The following DOT1L variants were observed in gnomAD, a reference collection of about 807,000 sequenced individuals.
DOT1L encodes the protein DOT1 like histone lysine methyltransferase.
A neutral mutation model predicts 153.3 loss-of-function variants in DOT1L; 33 were observed. The observed-to-expected ratio is 0.22, with a 90% confidence interval of 0.16 to 0.29. DOT1L has a LOEUF of 0.29. DOT1L is among the 10% of genes least tolerant of loss of function. The pLI is 1.00. For synonymous variants in DOT1L, 1,135 were observed against 965.1 expected (o/e 1.18, Z -3.26); for missense variants, 1,847 against 2,119.9 (o/e 0.87, Z 2.53).
intron 3 of DOT1L, 92 bp from the exon 4 acceptor site, chr19:2,189,640 C>T: frequency 6.9e-7 from 1 of 1,452,054 alleles, no homozygotes; most frequent in Non-Finnish European, 9.5e-7. Context: ...AGGGACCACA[C>T]CTTGGAGCCT....
intron 7 of DOT1L, among the ~76,000 whole-genome samples, chr19:2,196,834 G>A (rs1292609718): frequency 2.0e-5 from 3 of 152,206 alleles, no homozygotes; most frequent in Non-Finnish European, 4.4e-5. Flanking sequence ...GCCCCTGGCC[G>A]CGGAGCACGG....
chr19:2,211,461 A>C (rs973956138), intron 15 of DOT1L, among the ~76,000 whole-genome samples: 1 of 152,116 alleles, frequency 6.6e-6, no homozygotes, highest in African/African-American at 2.4e-5. Context: ...GTCATAACTT[A>C]GGGATGTTGC....
intron 22 of DOT1L, among the ~76,000 whole-genome samples, chr19:2,219,074 C>T (rs1203094060): frequency 6.6e-6 from 1 of 152,200 alleles, no homozygotes; most frequent in Non-Finnish European, 1.5e-5. Context: ...GTTTCACCAT[C>T]TTGGCCGAGC....
chr19:2,173,140 C>T (rs548395113), intron 1 of DOT1L, among the ~76,000 whole-genome samples: 49 of 152,168 alleles, frequency 3.2e-4, no homozygotes, highest in Non-Finnish European at 6.8e-4. Flanking sequence ...CCCTAGCGTC[C>T]TGGAGCGTTT....
Position 2,191,708 on chromosome 19 carries a change from G to A in DOT1L, c.493+468G>A, listed in dbSNP as rs1052036449. ...GAAGACCCCAGGTCCCTGGGCTCCC[G>A]GAGGCCCTCGCGCCCTCCCTGCATC... On this transcript the variant is annotated intron_variant, in intron 5 of 27. Coordinates refer to ENST00000398665, the MANE Select transcript of DOT1L (RefSeq NM_032482.3). The surrounding 1 kb of genome is among the most constrained non-coding windows in gnomAD (Gnocchi z 6.8). Among the ~76,000 whole-genome samples, 10 of 151,688 alleles carry A rather than the reference G, an allele frequency of 6.6e-5. No individual in the cohort carries two copies. Among genetic ancestry groups the A allele is most frequent in the African/African-American group, 2.2e-4 (9 of 41,258 alleles).
Position 2,223,241 on chromosome 19 carries a change from G to A in DOT1L, c.3391-40G>A, listed in dbSNP as rs116239075. 864 of 1,606,428 alleles carry A rather than the reference G, an allele frequency of 5.4e-4. 6 individuals are homozygous for A. The African/African-American group carries it at 0.01, about 19-fold the overall frequency. On this transcript the variant is annotated intron_variant, in intron 24 of 27. Coordinates refer to ENST00000398665, the MANE Select transcript of DOT1L (RefSeq NM_032482.3). ...GGGCTCTCCTGCCTTGGGGTCCCGG[G>A]TCTGTGGTATGTGCATCCATTGTGT...
At chr19:2,164,786 T>C (rs2019846704) in intron 1 of DOT1L, among the ~76,000 whole-genome samples, 1 of 152,170 alleles carries the variant, frequency 6.6e-6, no homozygotes, top group Admixed American at 6.6e-5. Flanking sequence ...GGGAGCGGTC[T>C]GACCTTTGGA....
chr19:2,229,299 G>C, intron 27 of DOT1L: 1 of 985,470 alleles, frequency 1.0e-6, no homozygotes, highest in Non-Finnish European at 1.2e-6. Flanking sequence ...GTAGTGCAAA[G>C]GTGCCCTCTG....
Position 2,191,340 on chromosome 19 carries a change from G to C in DOT1L, c.493+100G>C. 1 of 1,258,778 alleles carries C rather than the reference G, an allele frequency of 7.9e-7. No individual in the cohort carries two copies. The highest frequency in any genetic ancestry group is 1.3e-5 in the South Asian group (1 of 78,378). 78.0% of individuals were successfully genotyped at this position (1,258,778 alleles called of 1,614,324 possible). A position where few individuals can be genotyped will look rare whatever the true frequency, so the allele number is the denominator to read the frequency against. On this transcript the variant is annotated intron_variant, in intron 5 of 27. Coordinates refer to ENST00000398665, the MANE Select transcript of DOT1L (RefSeq NM_032482.3). The surrounding 1 kb of genome is among the most constrained non-coding windows in gnomAD (Gnocchi z 6.8). ...GGAGAAGAGTTTATCAGGGACTTGC[G>C]ACGTTGGCGTGGACAGTGCTTCCTT... is the stretch of plus-strand genomic sequence containing the variant.
chr19:2,171,956 G>A (rs566078180), intron 1 of DOT1L, among the ~76,000 whole-genome samples: 11 of 152,306 alleles, frequency 7.2e-5, no homozygotes, highest in African/African-American at 1.7e-4. Flanking sequence ...CCGGCTCCAC[G>A]TCCTTCCTGG....
chr19:2,187,747 C>A (rs1344239463), intron 3 of DOT1L, among the ~76,000 whole-genome samples: 1 of 152,030 alleles, frequency 6.6e-6, no homozygotes, highest in African/African-American at 2.4e-5. Flanking sequence ...ACAGTGAAAC[C>A]CCGTCTCTAC....
intron 1 of DOT1L, among the ~76,000 whole-genome samples, chr19:2,180,469 C>T (rs1043569363): frequency 1.3e-5 from 2 of 152,118 alleles, no homozygotes; most frequent in Non-Finnish European, 2.9e-5. Context: ...CAGGCCGCTG[C>T]CTGCTCGCTG....
chr19:2,181,734 G>T (rs1477353613), intron 2 of DOT1L, among the ~76,000 whole-genome samples: 1 of 152,130 alleles, frequency 6.6e-6, no homozygotes, highest in Non-Finnish European at 1.5e-5. Flanking sequence ...GGATCAGGCA[G>T]CTGGACCCCA....
chr19:2,194,682 C>CACATGGCTGTTGGA, intron 7 of DOT1L, 105 bp downstream of exon 7: 1 of 1,250,374 alleles, frequency 8.0e-7, no homozygotes, highest in Non-Finnish European at 1.1e-6. Flanking sequence ...TGGCTGTTGG[C>CACATGGCTGTTGGA]ACATGGTGTG....
intron 1 of DOT1L, among the ~76,000 whole-genome samples, chr19:2,170,404 C>T (rs1029877409): frequency 6.6e-6 from 1 of 152,150 alleles, no homozygotes; most frequent in South Asian, 2.1e-4. Flanking sequence ...TTTTTATCTT[C>T]CAGCAGTGTG....
rs1238094561 is a variant in DOT1L, at chr19:2,222,880, G to A, written c.3390+321G>A. On this transcript the variant is annotated intron_variant, in intron 24 of 27. Coordinates refer to ENST00000398665, the MANE Select transcript of DOT1L (RefSeq NM_032482.3). The surrounding 1 kb of genome is among the most constrained non-coding windows in gnomAD (Gnocchi z 6.5). ...ACAGAGCGAGACTCCCTCTCGGGGG[G>A]ACAAAAAAAAACACAAAAAAAAACA... is the stretch of plus-strand genomic sequence containing the variant. 7.6e-5 allele frequency: 30 copies of A among 392,526 alleles called. No homozygotes were observed. The highest frequency in any genetic ancestry group is 1.3e-4 in the Non-Finnish European group (28 of 220,740). 24.3% of individuals were successfully genotyped at this position (392,526 alleles called of 1,614,324 possible). A position where few individuals can be genotyped will look rare whatever the true frequency, so the allele number is the denominator to read the frequency against.
chr19:2,202,483 C>T (rs537580893), intron 8 of DOT1L, among the ~76,000 whole-genome samples: 4 of 152,334 alleles, frequency 2.6e-5, no homozygotes, highest in South Asian at 2.1e-4. Flanking sequence ...ACGAATCCTG[C>T]CCCCTCTGTT....
At position 2,180,746 on chromosome 19, in the gene DOT1L, G is replaced by A. The variant is rs2144697477; in HGVS notation, c.115G>A (p.Glu39Lys). Residue 39 changes from glutamate to lysine, a missense_variant, in exon 2 of 28, where the codon GAG becomes AAG. By Grantham distance (56) the Glu-to-Lys change is moderately conservative. Transcript: ENST00000398665. ...KHHDAAHEII[E>K]TIRWVCEEIP... ...TCACGATGCTGCTCATGAAATCATC[G>A]AGACCATCCGGTGAGTGCACGGCCT... is the stretch of plus-strand genomic sequence containing the variant. 6.2e-7 allele frequency: 1 copy of A among 1,613,978 alleles called. No individual in the cohort carries two copies. Among genetic ancestry groups the A allele is most frequent in the Non-Finnish European group, 8.5e-7 (1 of 1,179,996 alleles).
intron 27 of DOT1L, chr19:2,227,402 C>A: frequency 1.5e-6 from 1 of 679,792 alleles, no homozygotes; most frequent in Non-Finnish European, 2.7e-6. Context: ...ATTACTTTCT[C>A]CCGTGGAGGT....
Sources: allele counts gnomAD v4.1 joint callset (sites outside exome capture counted in the v4.1 genomes callset), GRCh38; gene constraint gnomAD v4.1.1; non-coding constraint Gnocchi (gnomAD v3.1); transcripts MANE v1.5; gene names NCBI Gene and HGNC (gene_info 2026-07-23, HGNC 2026-07-21).